The following GUCY1A2 variants were observed in gnomAD, a reference collection of about 807,000 sequenced individuals.
The protein encoded by GUCY1A2 is guanylate cyclase 1 soluble subunit alpha 2, also known as guanylate cyclase soluble subunit alpha-2.
GUCY1A2 carries 27 observed loss-of-function variants against 63.5 expected under a neutral mutation model. That is an observed-to-expected ratio of 0.43 (90% CI 0.31 to 0.59). The LOEUF (loss-of-function observed/expected upper bound fraction) is 0.59, where lower values mean the gene tolerates loss of function less well. GUCY1A2 is among the 20% of genes least tolerant of loss of function. GUCY1A2 has a pLI of 0.11. For missense variants in GUCY1A2, 768 were observed against 913.3 expected (o/e 0.84, Z 2.05); for synonymous variants, 364 against 343.5 (o/e 1.06, Z -0.66).
chr11:106,710,468 G>C (rs1269591031), intron 6 of GUCY1A2, among the ~76,000 whole-genome samples: 2 of 144,748 alleles, frequency 1.4e-5, no homozygotes, highest in Non-Finnish European at 3.0e-5. Context: ...ATAGTACCTA[G>C]AGCAAAGCAG....
chr11:106,904,550 G>A (rs1860177842), intron 4 of GUCY1A2, among the ~76,000 whole-genome samples: 1 of 151,898 alleles, frequency 6.6e-6, no homozygotes, highest in Admixed American at 6.6e-5. Flanking sequence ...ATTTTTACAT[G>A]AATTAATTTT....
At chr11:106,852,450 G>C (rs1007937753) in intron 4 of GUCY1A2, among the ~76,000 whole-genome samples, 3 of 152,100 alleles carry the variant, frequency 2.0e-5, no homozygotes, top group Non-Finnish European at 4.4e-5. Context: ...CCATGGGTTT[G>C]TCATATATGA....
intron 4 of GUCY1A2, among the ~76,000 whole-genome samples, chr11:106,869,534 A>T (rs949165233): frequency 1.7e-4 from 26 of 152,374 alleles, no homozygotes; most frequent in Non-Finnish European, 1.6e-4. Flanking sequence ...CCATCAGAGA[A>T]ATGCAAATCA....
At chr11:106,837,026 T>C (rs1468577146) in intron 4 of GUCY1A2, among the ~76,000 whole-genome samples, 2 of 151,894 alleles carry the variant, frequency 1.3e-5, no homozygotes, top group Admixed American at 1.3e-4. Context: ...CAGGGGTACA[T>C]GTGTAGGTTT....
chr11:106,762,746 T>C (rs1348821706), intron 6 of GUCY1A2, among the ~76,000 whole-genome samples: 1 of 152,134 alleles, frequency 6.6e-6, no homozygotes, highest in Non-Finnish European at 1.5e-5. Context: ...ATTGAAACTT[T>C]ACAGTGATGA....
intron 4 of GUCY1A2, chr11:106,827,571 T>TA: frequency 6.9e-7 from 1 of 1,449,648 alleles, no homozygotes; most frequent in Non-Finnish European, 9.7e-7. Context: ...GAGTTTCTTA[T>TA]ATACATGCTG....
chr11:106,976,737 T>C (rs1008060152), intron 3 of GUCY1A2, among the ~76,000 whole-genome samples: 2 of 152,060 alleles, frequency 1.3e-5, no homozygotes, highest in African/African-American at 4.8e-5. Flanking sequence ...GTATCTCTTT[T>C]GTAGAAAAAG....
intron 4 of GUCY1A2, among the ~76,000 whole-genome samples, chr11:106,851,453 A>G (rs1368098992): frequency 2.6e-5 from 4 of 151,860 alleles, no homozygotes; most frequent in Non-Finnish European, 5.9e-5. Context: ...GTGTTTCCCT[A>G]TGCTTTCTTC....
chr11:106,891,321 T>C (rs555316093), intron 4 of GUCY1A2, among the ~76,000 whole-genome samples: 1 of 152,296 alleles, frequency 6.6e-6, no homozygotes, highest in East Asian at 1.9e-4. Context: ...TGATTTATAG[T>C]AATTCTTTAT....
chr11:106,751,616 T>G (rs1863883208), intron 6 of GUCY1A2, among the ~76,000 whole-genome samples: 1 of 152,194 alleles, frequency 6.6e-6, no homozygotes, highest in Non-Finnish European at 1.5e-5. Flanking sequence ...CAGTATTTTC[T>G]AATTTGCCAG....
chr11:106,797,995 A>G (rs1864797955), intron 5 of GUCY1A2, among the ~76,000 whole-genome samples: 1 of 152,182 alleles, frequency 6.6e-6, no homozygotes, highest in Non-Finnish European at 1.5e-5. Flanking sequence ...TTTTGAAAAG[A>G]TTAACAAAAT....
At position 106,684,536 on chromosome 11, in the gene GUCY1A2, T is replaced by A. The variant is rs1335243230; in HGVS notation, c.*3013A>T. On this transcript the variant is annotated 3_prime_UTR_variant, in exon 8 of 8. Transcript: ENST00000526355. Reference sequence around the variant, plus strand: ...TACATATTGGGGGATTCTGATTTTGTTAGATAACTGATTTATTTGCAAATG... The same window carrying A: ...TACATATTGGGGGATTCTGATTTTGATAGATAACTGATTTATTTGCAAATG... 1 of 196,400 alleles carries A rather than the reference T, an allele frequency of 5.1e-6. No individual in the cohort carries two copies. Among genetic ancestry groups the A allele is most frequent in the East Asian group, 8.0e-5 (1 of 12,524 alleles). 12.2% of individuals were successfully genotyped at this position (196,400 alleles called of 1,614,324 possible).
intron 6 of GUCY1A2, among the ~76,000 whole-genome samples, chr11:106,765,342 C>A: frequency 6.6e-6 from 1 of 151,990 alleles, no homozygotes; most frequent in East Asian, 1.9e-4. Context: ...CTAACCCAAA[C>A]CTCTCGATGT....
intron 4 of GUCY1A2, among the ~76,000 whole-genome samples, chr11:106,913,951 G>T (rs1280647635): frequency 7.3e-6 from 1 of 137,194 alleles, no homozygotes; most frequent in Non-Finnish European, 1.5e-5. Context: ...GCTAATGTTT[G>T]TTGGGTCATT....
intron 4 of GUCY1A2, among the ~76,000 whole-genome samples, chr11:106,877,041 T>G (rs190865479): frequency 6.6e-6 from 1 of 152,058 alleles, no homozygotes; most frequent in African/African-American, 2.4e-5. Context: ...GTGATGCACT[T>G]TGAAGATGCA....
Position 106,816,167 on chromosome 11 carries a change from TAAA to T in GUCY1A2, c.1207-5692_1207-5690del, listed in dbSNP as rs60263721. On this transcript the variant is annotated intron_variant, in intron 4 of 7. Transcript: ENST00000526355. ...CAACAACAGCAGAATACTCTTTCTT[TAAA>T]AAAAAAAAAAAAAAAAAAACCCAAG... Among the ~76,000 whole-genome samples, 30 of 92,006 alleles carry T rather than the reference TAAA, an allele frequency of 3.3e-4. 1 individual carries two copies. Among genetic ancestry groups the T allele is most frequent in the African/African-American group, 7.9e-4 (18 of 22,772 alleles). 60.4% of individuals were successfully genotyped at this position (92,006 alleles called of 152,430 possible).
At position 106,918,434 on chromosome 11, in the gene GUCY1A2, T is replaced by C. The variant is rs548659113; in HGVS notation, c.1206+21026A>G. ...AAAAATCCTACTCTTAAACAATGCATAATTCTACATATTTACTTGTAAGGA... is the reference window on the plus strand; with the variant it reads ...AAAAATCCTACTCTTAAACAATGCACAATTCTACATATTTACTTGTAAGGA... On this transcript the variant is annotated intron_variant, in intron 4 of 7. Transcript: ENST00000526355. Among the ~76,000 whole-genome samples the C allele has an allele frequency of 3.4e-5, 5 of 145,420 alleles. 1 individual carries two copies. The highest frequency in any genetic ancestry group is 7.7e-5 in the Non-Finnish European group (5 of 64,806).
In GUCY1A2 at chr11:106,776,565, A is replaced by G; in HGVS notation, c.1710T>C (p.Asp570=). The G allele has an allele frequency of 1.2e-6, 2 of 1,613,192 alleles. No homozygotes were observed. The highest frequency in any genetic ancestry group is 1.7e-6 in the Non-Finnish European group (2 of 1,179,148). The change falls in exon 6 of 8, where the codon GAT becomes GAC. Residue 570 remains aspartate (D), a synonymous_variant. Coordinates refer to ENST00000526355, the MANE Select transcript of GUCY1A2 (RefSeq NM_000855.3). The stretch of plus-strand genomic sequence containing the variant: ...GGAGCCCTGCTGCAACACAGTAGGC[A>G]TCACCTATTGTTTCCACCTGCAGCA... The part of the protein sequence containing the change: ...LDIYKVETIG[D]AYCVAAGLHR...
chr11:106,824,987 G>A, intron 4 of GUCY1A2: 1 of 1,611,206 alleles, frequency 6.2e-7, no homozygotes, highest in Non-Finnish European at 8.5e-7. Context: ...TCTAATTAAA[G>A]ATGGTTTATG....
Sources: allele counts gnomAD v4.1 joint callset (sites outside exome capture counted in the v4.1 genomes callset), GRCh38; gene constraint gnomAD v4.1.1; transcripts MANE v1.5; gene names NCBI Gene and HGNC (gene_info 2026-07-23, HGNC 2026-07-21).